The following GPR161 variants were observed in gnomAD, a reference collection of about 807,000 sequenced individuals.
GPR161 encodes G protein-coupled receptor 161.
A neutral mutation model predicts 39.2 loss-of-function variants in GPR161; 25 were observed. That is an observed-to-expected ratio of 0.64 (90% CI 0.47 to 0.89). The LOEUF (loss-of-function observed/expected upper bound fraction) is 0.89, where lower values mean the gene tolerates loss of function less well. GPR161 is among the 40% of genes least tolerant of loss of function. The probability of loss-of-function intolerance (pLI) is 0.00; values close to 1 mark genes in which losing one functional copy is unlikely to be tolerated. For synonymous variants in GPR161, 286 were observed against 276.6 expected, an observed-to-expected ratio of 1.03 and a Z score of -0.34; for missense variants, 547 against 677.8, an observed-to-expected ratio of 0.81 and a Z score of 2.14.
intron 1 of GPR161, chr1:168,118,765 AG>A (rs2102223311): frequency 6.6e-6 from 1 of 152,290 alleles, no homozygotes; most frequent in South Asian, 2.1e-4. Context: ...TGTTAATAAA[AG>A]TTTTTAAATA....
At position 168,080,769 on chromosome 1, in the gene GPR161, C is replaced by G. The variant is rs749136322; in HGVS notation, c.*4762G>C. On this transcript the variant is annotated 3_prime_UTR_variant, in exon 6 of 6. Transcript: ENST00000682931. ...CTATGATTTGGAACGTTACACCAGG[C>G]CCTGGGGATTTGATCATCTTTGATA... is the stretch of plus-strand genomic sequence containing the variant. 6.6e-6 allele frequency: 1 copy of G among 152,222 alleles called. No individual in the cohort carries two copies. Among genetic ancestry groups the G allele is most frequent in the East Asian group, 1.9e-4 (1 of 5,198 alleles). The allele number at this position is 152,222 out of a possible 1,614,324, so 9.4% of individuals were successfully genotyped here.
chr1:168,097,469 G>A (rs1463912966), intron 2 of GPR161, among the ~76,000 whole-genome samples: 2 of 152,122 alleles, frequency 1.3e-5, no homozygotes, highest in Non-Finnish European at 2.9e-5. Context: ...CTGTTTCCAA[G>A]TCATCACACC....
At chr1:168,135,747 G>C (rs1354600496) in intron 1 of GPR161, among the ~76,000 whole-genome samples, 2 of 152,232 alleles carry the variant, frequency 1.3e-5, no homozygotes, top group African/African-American at 4.8e-5. Flanking sequence ...AGGACGCTGA[G>C]ACAGGCTCAC....
At chr1:168,127,417 G>A (rs1347628262) in intron 1 of GPR161, among the ~76,000 whole-genome samples, 1 of 151,972 alleles carries the variant, frequency 6.6e-6, no homozygotes, top group Non-Finnish European at 1.5e-5. Flanking sequence ...CCAGGAGGTG[G>A]GCATTGCAGT....
chr1:168,106,375 T>C (rs10800334), intron 1 of GPR161, among the ~76,000 whole-genome samples: 51,041 of 152,100 alleles, frequency 0.34, 8,877 homozygotes, highest in Admixed American at 0.47. Flanking sequence ...CTGCTTGAGC[T>C]CAGGAGTTTG....
chr1:168,081,587 A>AGAT lies in GPR161; in HGVS notation c.*3941_*3943dup, dbSNP rs1572217779. ...ATCCTGTGTGTCTCCACATTGAAAC[A>AGAT]GATGACTAAACTTCCCTTCACAGAT... On this transcript the variant is annotated 3_prime_UTR_variant, in exon 6 of 6. Coordinates refer to ENST00000682931, the MANE Select transcript of GPR161 (RefSeq NM_001375883.1). The AGAT allele has an allele frequency of 6.6e-6, 1 of 152,384 alleles. No homozygotes were observed. The highest frequency in any genetic ancestry group is 1.9e-4 in the East Asian group (1 of 5,188). The allele number at this position is 152,384 out of a possible 1,614,324, so 9.4% of individuals were successfully genotyped here.
chr1:168,090,752 C>T, intron 3 of GPR161, 84 bp from the exon 4 acceptor site: 1 of 626,894 alleles, frequency 1.6e-6, no homozygotes, highest in Admixed American at 2.8e-5. Flanking sequence ...GACCCATCTC[C>T]TGCCCTTCTG....
chr1:168,096,367 T>A (rs979883380), intron 3 of GPR161, 141 bp downstream of exon 3: 5 of 839,180 alleles, frequency 6.0e-6, no homozygotes, highest in Non-Finnish European at 7.4e-6. Context: ...GCCTCTGGAA[T>A]GTTTCTTCCG....
At chr1:168,097,500 G>T (rs1296657525) in intron 2 of GPR161, among the ~76,000 whole-genome samples, 2 of 152,106 alleles carry the variant, frequency 1.3e-5, no homozygotes, top group African/African-American at 4.8e-5. Context: ...CATATTTGGG[G>T]GTGTGGCCAG....
chr1:168,118,069 G>A (rs1350053285), intron 1 of GPR161, among the ~76,000 whole-genome samples: 1 of 152,136 alleles, frequency 6.6e-6, no homozygotes, highest in Non-Finnish European at 1.5e-5. Context: ...GATGACCCTG[G>A]ATTTGGCAGT....
intron 2 of GPR161, among the ~76,000 whole-genome samples, chr1:168,099,913 C>T (rs75447525): frequency 0.011 from 1,612 of 148,686 alleles, 28 homozygotes; most frequent in African/African-American, 0.036. Context: ...AGATACAGAA[C>T]ATTCCAGCCA....
At chr1:168,086,107 T>C (rs1007695648) in intron 5 of GPR161, among the ~76,000 whole-genome samples, 2 of 152,254 alleles carry the variant, frequency 1.3e-5, no homozygotes, top group African/African-American at 4.8e-5. Context: ...GGCCTATGTC[T>C]GGCCCATAGA....
In GPR161 at chr1:168,104,814, G is replaced by T; in HGVS notation, c.37C>A (p.Leu13Met). The T allele has an allele frequency of 6.2e-7, 1 of 1,613,694 alleles. No individual in the cohort carries two copies. Among genetic ancestry groups the T allele is most frequent in the Non-Finnish European group, 8.5e-7 (1 of 1,179,672 alleles). ...LNSSLSCRKELSNLTEEEGGE... is the reference protein window; with the variant it reads ...LNSSLSCRKEMSNLTEEEGGE... ...CCCTCCTCCTCAGTGAGATTACTCA[G>T]CTCCTTCCTGCAGCTGAGGGAGGAG... The change falls in exon 2 of 6, where the codon CTG becomes ATG. Residue 13 changes from leucine to methionine, a missense_variant. By Grantham distance (15) the Leu-to-Met change is conservative. Transcript: ENST00000682931.
chr1:168,137,588 A>AGCGG (rs1161615158), upstream of GPR161: 10 of 605,126 alleles, frequency 1.7e-5, no homozygotes, highest in East Asian at 2.5e-4. Context: ...CAAAACAAAG[A>AGCGG]GCGGGCGCTG....
intron 1 of GPR161, among the ~76,000 whole-genome samples, chr1:168,113,456 A>G (rs778751723): frequency 3.9e-5 from 6 of 152,208 alleles, no homozygotes; most frequent in Non-Finnish European, 8.8e-5. Context: ...AATTGTCTTC[A>G]GTCTTCTTGT....
chr1:168,127,668 A>G (rs1026479311), intron 1 of GPR161, among the ~76,000 whole-genome samples: 1 of 152,174 alleles, frequency 6.6e-6, no homozygotes, highest in African/African-American at 2.4e-5. Context: ...GCAGCAGGCA[A>G]AAATTCCCAT....
intron 5 of GPR161, 26 bp downstream of exon 5, chr1:168,087,559 T>A (rs1418715333): frequency 6.2e-7 from 1 of 1,613,384 alleles, no homozygotes; most frequent in East Asian, 2.2e-5. Context: ...TATGTTTTCT[T>A]GAAGCAATCA....
At chr1:168,123,537 T>TACATACACAC (rs370538324) in intron 1 of GPR161, among the ~76,000 whole-genome samples, 1 of 138,120 alleles carries the variant, frequency 7.2e-6, no homozygotes, top group African/African-American at 2.7e-5. Flanking sequence ...TGCACATACA[T>TACATACACAC]ACACACACAC....
At position 168,136,851 on chromosome 1, in the gene GPR161, G is replaced by A; in HGVS notation, c.-157C>T. ...CGCGCTCCGGGACTGGAGGTTTCGG[G>A]TTTCAGCCCACCGAGCCCCGCTTCG... is the stretch of plus-strand genomic sequence containing the variant. On this transcript the variant is annotated 5_prime_UTR_variant, in exon 1 of 6. Coordinates refer to ENST00000682931, the MANE Select transcript of GPR161 (RefSeq NM_001375883.1). The A allele has an allele frequency of 2.0e-6, 2 of 983,398 alleles. No homozygotes were observed. The highest frequency in any genetic ancestry group is 2.4e-6 in the Non-Finnish European group (2 of 828,938). 60.9% of individuals were successfully genotyped at this position (983,398 alleles called of 1,614,324 possible). A position where few individuals can be genotyped will look rare whatever the true frequency, so the allele number is the denominator to read the frequency against.
Sources: gnomAD v4.1 joint callset for allele counts (sites outside exome capture counted in the v4.1 genomes callset) on GRCh38, gnomAD v4.1.1 for gene constraint, MANE v1.5 for transcripts, NCBI Gene and HGNC (gene_info 2026-07-23, HGNC 2026-07-21) for gene names.